The following LRFN5 variants were observed in gnomAD, a reference collection of about 807,000 sequenced individuals.
The protein encoded by LRFN5 is leucine-rich repeat and fibronectin type-III domain-containing protein 5.
A neutral mutation model predicts 45.6 loss-of-function variants in LRFN5; 24 were observed. The observed-to-expected ratio is 0.53, with a 90% CI of 0.38 to 0.74. The LOEUF (loss-of-function observed/expected upper bound fraction) is 0.74. Among genes scored for constraint, LRFN5 ranks in the 30% least tolerant of loss-of-function variants. The pLI, the probability that LRFN5 is intolerant of heterozygous loss-of-function variation, is 0.00. For synonymous variants in LRFN5, 340 were observed against 313.8 expected (o/e 1.08, Z -0.88); for missense variants, 776 against 861.5 (o/e 0.90, Z 1.24).
intron 1 of LRFN5, among the ~76,000 whole-genome samples, chr14:41,613,174 T>C (rs1350342254): frequency 6.6e-6 from 1 of 152,100 alleles, no homozygotes; most frequent in Non-Finnish European, 1.5e-5. Flanking sequence ...AAATTGGTTT[T>C]CATAGACAAT....
chr14:41,696,448 C>T (rs908433175), intron 1 of LRFN5, among the ~76,000 whole-genome samples: 4 of 148,490 alleles, frequency 2.7e-5, no homozygotes, highest in African/African-American at 1.0e-4. Context: ...TTTGTATATT[C>T]GTATAGAGCC....
At chr14:41,708,719 T>C (rs1883164383) in intron 1 of LRFN5, among the ~76,000 whole-genome samples, 1 of 27,328 alleles carries the variant, frequency 3.7e-5, no homozygotes, top group Non-Finnish European at 5.3e-5. Flanking sequence ...GCTGAATTCC[T>C]TTTTTTTTTT....
At chr14:41,744,928 T>C (rs145140698) in intron 1 of LRFN5, among the ~76,000 whole-genome samples, 1 of 152,170 alleles carries the variant, frequency 6.6e-6, no homozygotes, top group Non-Finnish European at 1.5e-5. Flanking sequence ...GGAAAATATC[T>C]CTACACAATA....
At chr14:41,772,822 C>T (rs768492301) in intron 2 of LRFN5, among the ~76,000 whole-genome samples, 24 of 152,116 alleles carry the variant, frequency 1.6e-4, no homozygotes, top group Non-Finnish European at 2.6e-4. Context: ...TCTTTCACTC[C>T]ACAAAAACAA....
At chr14:41,880,876 T>G (rs1380480062) in intron 2 of LRFN5, among the ~76,000 whole-genome samples, 4 of 152,238 alleles carry the variant, frequency 2.6e-5, no homozygotes, top group Non-Finnish European at 5.9e-5. Context: ...CTCTATAAAA[T>G]GCCCATATTT....
intron 1 of LRFN5, among the ~76,000 whole-genome samples, chr14:41,651,248 A>C (rs898121067): frequency 2.6e-5 from 4 of 152,110 alleles, no homozygotes; most frequent in African/African-American, 9.7e-5. Context: ...GGAAACTTTA[A>C]ATGAATATTA....
intron 2 of LRFN5, among the ~76,000 whole-genome samples, chr14:41,804,817 T>A (rs1374509757): frequency 6.6e-6 from 1 of 152,228 alleles, no homozygotes; most frequent in Non-Finnish European, 1.5e-5. Context: ...ATTCTCTTAT[T>A]TTCTTTTCTA....
chr14:41,816,495 T>C (rs1441310074), intron 2 of LRFN5, among the ~76,000 whole-genome samples: 1 of 152,112 alleles, frequency 6.6e-6, no homozygotes, highest in Non-Finnish European at 1.5e-5. Context: ...AATGTTTGTT[T>C]GTCTGAGGGA....
chr14:41,848,499 T>C (rs1319720788), intron 2 of LRFN5, among the ~76,000 whole-genome samples: 11 of 151,272 alleles, frequency 7.3e-5, no homozygotes, highest in Non-Finnish European at 1.3e-4. Context: ...CATTATTTTT[T>C]TTTCGTATTC....
At chr14:41,734,113 C>T (rs1884302437) in intron 1 of LRFN5, among the ~76,000 whole-genome samples, 1 of 140,232 alleles carries the variant, frequency 7.1e-6, no homozygotes, top group Non-Finnish European at 1.5e-5. Flanking sequence ...GCAACCTCTG[C>T]CTCCTGGGTT....
chr14:41,809,076 C>A (rs1297811575), intron 2 of LRFN5, among the ~76,000 whole-genome samples: 1 of 152,054 alleles, frequency 6.6e-6, no homozygotes, highest in African/African-American at 2.4e-5. Context: ...ACTGTTCTTC[C>A]TTTGTAGTAC....
intron 1 of LRFN5, among the ~76,000 whole-genome samples, chr14:41,740,708 C>T (rs1489237917): frequency 6.6e-6 from 1 of 151,384 alleles, no homozygotes; most frequent in African/African-American, 2.4e-5. Context: ...GCTAGAACAA[C>T]TAGATTAGAA....
chr14:41,818,964 C>T (rs1056485815), intron 2 of LRFN5, among the ~76,000 whole-genome samples: 2 of 152,108 alleles, frequency 1.3e-5, no homozygotes, highest in Admixed American at 1.3e-4. Context: ...CATTATTTAG[C>T]TCCAACTTTT....
chr14:41,694,910 T>C (rs1882538992), intron 1 of LRFN5, among the ~76,000 whole-genome samples: 1 of 151,894 alleles, frequency 6.6e-6, no homozygotes, highest in Non-Finnish European at 1.5e-5. Flanking sequence ...TGTCTCTCAG[T>C]ATAAATCAAA....
intron 1 of LRFN5, among the ~76,000 whole-genome samples, chr14:41,721,298 A>T (rs148612266): frequency 6.6e-6 from 1 of 152,164 alleles, no homozygotes; most frequent in Admixed American, 6.5e-5. Flanking sequence ...AAGACAGCAG[A>T]TGGATGAATC....
intron 4 of LRFN5, among the ~76,000 whole-genome samples, chr14:41,896,444 G>C (rs1401173396): frequency 6.6e-6 from 1 of 152,098 alleles, no homozygotes; most frequent in Non-Finnish European, 1.5e-5. Context: ...GAAGTGTTTT[G>C]AGGAAAGGAC....
At chr14:41,741,819 A>T (rs893534074) in intron 1 of LRFN5, among the ~76,000 whole-genome samples, 10 of 151,668 alleles carry the variant, frequency 6.6e-5, no homozygotes, top group African/African-American at 2.2e-4. Context: ...TAAAATAAAA[A>T]AAAAAAACCA....
chr14:41,882,941 C>T (rs770779755), intron 2 of LRFN5, among the ~76,000 whole-genome samples: 1 of 151,072 alleles, frequency 6.6e-6, no homozygotes, highest in African/African-American at 2.4e-5. Flanking sequence ...CTCCACCTCC[C>T]GGGTTTACGC....
chr14:41,692,776 G>A (rs977523940), intron 1 of LRFN5, among the ~76,000 whole-genome samples: 1 of 152,012 alleles, frequency 6.6e-6, no homozygotes, highest in Non-Finnish European at 1.5e-5. Flanking sequence ...TGTGAATTGT[G>A]TTTTTTGTCT....
Sources: allele counts gnomAD v4.1 joint callset (sites outside exome capture counted in the v4.1 genomes callset), GRCh38; gene constraint gnomAD v4.1.1; transcripts MANE v1.5; gene names NCBI Gene and HGNC (gene_info 2026-07-23, HGNC 2026-07-21).